ZC3H7B: variants seen among roughly 807,000 people sequenced by gnomAD.
ZC3H7B encodes zinc finger CCCH-type containing 7B.
Under a neutral mutation model 116.0 loss-of-function variants are expected in ZC3H7B, and 35 were observed. That is an observed-to-expected ratio of 0.30 (90% CI 0.23 to 0.40). The LOEUF (loss-of-function observed/expected upper bound fraction) is 0.40. ZC3H7B is among the 10% of genes least tolerant of loss of function. ZC3H7B has a pLI of 1.00. For synonymous variants in ZC3H7B, 502 were observed against 545.6 expected (o/e 0.92, Z 1.11); for missense variants, 1,011 against 1,321.5 (o/e 0.77, Z 3.64).
intron 18 of ZC3H7B, 44 bp downstream of exon 18, chr22:41,355,646 C>G (rs1344021482): frequency 6.2e-7 from 1 of 1,612,680 alleles, no homozygotes; most frequent in Non-Finnish European, 8.5e-7. Context: ...ATGGGGCCAC[C>G]CTACCACCAC....
chr22:41,334,228 T>G (rs2145923179), intron 7 of ZC3H7B: 1 of 152,358 alleles, frequency 6.6e-6, no homozygotes, highest in South Asian at 2.1e-4. Flanking sequence ...CCAGTGTCAG[T>G]TCAGACACTG....
At chr22:41,331,942 G>C (rs1020372791) in intron 6 of ZC3H7B, among the ~76,000 whole-genome samples, 4 of 152,180 alleles carry the variant, frequency 2.6e-5, no homozygotes, top group Admixed American at 2.0e-4. Flanking sequence ...CACAGTAGAG[G>C]TGTGCAGGGA....
chr22:41,340,777 G>A (rs1458464787), intron 10 of ZC3H7B, among the ~76,000 whole-genome samples: 1 of 152,200 alleles, frequency 6.6e-6, no homozygotes, highest in Non-Finnish European at 1.5e-5. Flanking sequence ...GCTGGCTGAT[G>A]AGCGGAGCAG....
Position 41,327,377 on chromosome 22 carries a change from C to T in ZC3H7B, c.444+13C>T. On this transcript the variant is annotated intron_variant, in intron 5 of 22. Transcript: ENST00000352645. The surrounding 1 kb of genome is among the most constrained non-coding windows in gnomAD (Gnocchi z 4.5). ...CGCCCTGCCCCACGTGAGTGTGGCTCTGCAGCCACGCCGGTGCCTGCTCAG... is the reference window on the plus strand; with the variant it reads ...CGCCCTGCCCCACGTGAGTGTGGCTTTGCAGCCACGCCGGTGCCTGCTCAG... 1 of 1,607,342 alleles carries T rather than the reference C, an allele frequency of 6.2e-7. No homozygotes were observed. The highest frequency in any genetic ancestry group is 8.5e-7 in the Non-Finnish European group (1 of 1,179,566).
chr22:41,324,756 G>A (rs1266294886), intron 2 of ZC3H7B, among the ~76,000 whole-genome samples: 1 of 152,202 alleles, frequency 6.6e-6, no homozygotes, highest in East Asian at 1.9e-4. Context: ...TTGGGCAGGG[G>A]AGGGGCCTGA....
At chr22:41,320,370 G>T (rs1383701487) in intron 1 of ZC3H7B, among the ~76,000 whole-genome samples, 3 of 151,958 alleles carry the variant, frequency 2.0e-5, no homozygotes, top group Admixed American at 2.0e-4. Flanking sequence ...TGAACTTGAG[G>T]GTGTCCATAC....
At chr22:41,337,051 G>A (rs1424784368) in intron 7 of ZC3H7B, among the ~76,000 whole-genome samples, 2 of 152,068 alleles carry the variant, frequency 1.3e-5, no homozygotes, top group Admixed American at 1.3e-4. Flanking sequence ...CAGGAGAATC[G>A]CTTGAACCTG....
rs554265712 is a variant in ZC3H7B, at chr22:41,345,560, G to A, written c.1460-443G>A. ...AAATCGTGCCATTGCACTCCAGCAT[G>A]GGCAACAAGAGCAAAACTCCATCTC... On this transcript the variant is annotated intron_variant, in intron 13 of 22. Transcript: ENST00000352645. 2.0e-5 allele frequency among the ~76,000 whole-genome samples: 3 copies of A among 152,238 alleles called. No homozygotes were observed. The South Asian group carries it at 6.2e-4, about 32-fold the overall frequency.
At chr22:41,337,277 A>G (rs967044318) in intron 7 of ZC3H7B, among the ~76,000 whole-genome samples, 4 of 152,036 alleles carry the variant, frequency 2.6e-5, no homozygotes, top group African/African-American at 9.7e-5. Context: ...GCAGTGAGCC[A>G]AGATCATGCC....
intron 1 of ZC3H7B, among the ~76,000 whole-genome samples, chr22:41,303,994 T>C (rs1356339646): frequency 1.3e-5 from 2 of 152,240 alleles, no homozygotes; most frequent in African/African-American, 4.8e-5. Flanking sequence ...CCTGACCTCG[T>C]GATCCAGCCA....
chr22:41,339,360 C>G (rs1031485551), intron 9 of ZC3H7B, among the ~76,000 whole-genome samples, 169 bp downstream of exon 9: 1 of 152,162 alleles, frequency 6.6e-6, no homozygotes, highest in African/African-American at 2.4e-5. Flanking sequence ...GGCACGGTGG[C>G]TCACGCCTGT....
intron 1 of ZC3H7B, among the ~76,000 whole-genome samples, chr22:41,312,540 C>T (rs2036131990): frequency 6.7e-6 from 1 of 148,774 alleles, no homozygotes; most frequent in African/African-American, 2.5e-5. Context: ...AAGTGAGCCA[C>T]GATGGTGCCA....
At chr22:41,326,754 C>T (rs575516180) in intron 4 of ZC3H7B, among the ~76,000 whole-genome samples, 76 of 152,338 alleles carry the variant, frequency 5.0e-4, no homozygotes, top group African/African-American at 1.8e-3. Flanking sequence ...CTCTGCCATC[C>T]AGCGAACTCT....
chr22:41,317,333 C>G (rs1300400102), intron 1 of ZC3H7B, among the ~76,000 whole-genome samples: 1 of 151,950 alleles, frequency 6.6e-6, no homozygotes, highest in East Asian at 1.9e-4. Flanking sequence ...TGGGCAACAG[C>G]CATGTGGTGC....
chr22:41,352,441 A>G (rs1164717266), intron 17 of ZC3H7B, among the ~76,000 whole-genome samples: 1 of 152,122 alleles, frequency 6.6e-6, no homozygotes, highest in Non-Finnish European at 1.5e-5. Flanking sequence ...ACTTTCAGGG[A>G]TCATTTCTAT....
rs199611879 is a variant in ZC3H7B, at chr22:41,321,829, C to CTTTTTTTTT, written c.53+1136_53+1144dup. 1.8e-3 allele frequency among the ~76,000 whole-genome samples: 166 copies of CTTTTTTTTT among 91,006 alleles called. 40 individuals carry two copies. The highest frequency in any genetic ancestry group is 8.8e-3 in the African/African-American group (156 of 17,658). The allele number at this position is 91,006 out of a possible 152,430, so 59.7% of individuals were successfully genotyped here. ...GACCACAAAACTCAAAACTCACATT[C>CTTTTTTTTT]TTTTTTTTTTTTTTTTTTTTTTTTT... On this transcript the variant is annotated intron_variant, in intron 2 of 22. Coordinates refer to ENST00000352645, the MANE Select transcript of ZC3H7B (RefSeq NM_017590.6).
chr22:41,339,541 G>A (rs895656380), intron 9 of ZC3H7B, among the ~76,000 whole-genome samples: 3 of 151,518 alleles, frequency 2.0e-5, no homozygotes, highest in Non-Finnish European at 2.9e-5. Context: ...CCGGAGAATC[G>A]CTTGAACCCG....
At chr22:41,339,325 G>A in intron 9 of ZC3H7B, 134 bp downstream of exon 9, 1 of 1,131,486 alleles carries the variant, frequency 8.8e-7, no homozygotes, top group South Asian at 1.9e-5. Flanking sequence ...GGACTTGTTT[G>A]GTACAGAAAT....
intron 2 of ZC3H7B, among the ~76,000 whole-genome samples, chr22:41,321,417 T>C (rs2036254831): frequency 6.6e-6 from 1 of 152,108 alleles, no homozygotes; most frequent in South Asian, 2.1e-4. Flanking sequence ...GGTTTTGCCA[T>C]GTTGGCCAGG....
Sources: gnomAD v4.1 joint callset for allele counts (sites outside exome capture counted in the v4.1 genomes callset) on GRCh38, gnomAD v4.1.1 for gene constraint, Gnocchi (gnomAD v3.1) non-coding constraint, MANE v1.5 for transcripts, NCBI Gene and HGNC (gene_info 2026-07-23, HGNC 2026-07-21) for gene names.